The following LTBP1 variants were observed in gnomAD, a reference collection of about 807,000 sequenced individuals.
The protein encoded by LTBP1 is latent-transforming growth factor beta-binding protein 1.
In LTBP1, 129 loss-of-function variants were observed where a neutral mutation model predicts 207.6. The ratio of observed to expected loss-of-function variants is 0.62; its 90% CI spans 0.54 to 0.72. The LOEUF (loss-of-function observed/expected upper bound fraction) is 0.72. Ranked by LOEUF, LTBP1 falls within the 30% of genes least tolerant of loss-of-function variation. The pLI is 0.00. For missense variants in LTBP1, 2,281 were observed against 2,217.2 expected (o/e 1.03, Z -0.58); for synonymous variants, 963 against 833.7 (o/e 1.16, Z -2.67).
chr2:33,181,660 A>G (rs1391507450), intron 5 of LTBP1, among the ~76,000 whole-genome samples: 1 of 152,252 alleles, frequency 6.6e-6, no homozygotes, highest in African/African-American at 2.4e-5. Flanking sequence ...CAAGCTAACA[A>G]GGTTATGGAA....
rs144113642 is a variant in LTBP1, at chr2:33,064,505, G to A, written c.863+43299G>A. On this transcript the variant is annotated intron_variant, in intron 3 of 33. Transcript: ENST00000404816. ...TCTCCACACTCCCTAAGCTTCATGG[G>A]GTAATGCAGAGTAGCCCAGGTCGAT... Among the ~76,000 whole-genome samples the A allele has an allele frequency of 2.8e-3, 428 of 152,298 alleles. 2 individuals are homozygous for A. The highest frequency in any genetic ancestry group is 9.4e-3 in the African/African-American group (392 of 41,552).
At chr2:33,246,654 G>A (rs909124240) in intron 10 of LTBP1, among the ~76,000 whole-genome samples, 6 of 152,186 alleles carry the variant, frequency 3.9e-5, no homozygotes, top group African/African-American at 9.7e-5. Context: ...ACAAGGTGTG[G>A]CTGACTCTCT....
intron 7 of LTBP1, among the ~76,000 whole-genome samples, chr2:33,199,703 C>T (rs1245151839): frequency 6.6e-6 from 1 of 152,194 alleles, no homozygotes; most frequent in Non-Finnish European, 1.5e-5. Context: ...TGGCAGATGA[C>T]ATGATTGTAT....
intron 9 of LTBP1, among the ~76,000 whole-genome samples, chr2:33,226,069 T>C (rs950272175): frequency 6.6e-6 from 1 of 152,234 alleles, no homozygotes; most frequent in Non-Finnish European, 1.5e-5. Context: ...TATTCTGATT[T>C]TGTTATTGAC....
chr2:33,069,545 C>G (rs897603498), intron 3 of LTBP1, among the ~76,000 whole-genome samples: 4 of 152,170 alleles, frequency 2.6e-5, no homozygotes, highest in African/African-American at 9.7e-5. Context: ...TCAATGTTAC[C>G]TGCTGACCTT....
At chr2:33,377,806 A>C (rs1481624625) in intron 31 of LTBP1, among the ~76,000 whole-genome samples, 1 of 152,158 alleles carries the variant, frequency 6.6e-6, no homozygotes, top group African/African-American at 2.4e-5. Context: ...TAATTGTGGC[A>C]GAAGGCAAAG....
intron 32 of LTBP1, among the ~76,000 whole-genome samples, chr2:33,393,231 CTTCTTTTT>C (rs1337846869): frequency 9.6e-4 from 75 of 78,302 alleles, no homozygotes; most frequent in African/African-American, 2.1e-3. Context: ...TTTCCTTCTT[CTTCTTTTT>C]TTTTTTTTTT....
Position 33,274,969 on chromosome 2 carries a change from T to C in LTBP1, c.2748T>C (p.Ile916=). ...FSEQQRKCVD[I]DECTQVQHLC... ...TATATGTATTTTTGTTAACAGATAT[T>C]GATGAGTGTACTCAGGTCCAACACC... The change falls in exon 17 of 34, where the codon ATT becomes ATC. Residue 916 remains isoleucine (I), a synonymous_variant. Transcript: ENST00000404816. 1 of 1,613,926 alleles carries C rather than the reference T, an allele frequency of 6.2e-7. No homozygotes were observed. Among genetic ancestry groups the C allele is most frequent in the Non-Finnish European group, 8.5e-7 (1 of 1,179,842 alleles).
At chr2:33,300,678 A>G in intron 21 of LTBP1, 105 bp downstream of exon 21, 1 of 1,203,518 alleles carries the variant, frequency 8.3e-7, no homozygotes, top group Non-Finnish European at 1.1e-6. Flanking sequence ...TTACCCAGAT[A>G]ATTGCATTAT....
chr2:33,109,362 A>G (rs1362905425), intron 3 of LTBP1, among the ~76,000 whole-genome samples: 3 of 152,250 alleles, frequency 2.0e-5, no homozygotes, highest in African/African-American at 4.8e-5. Flanking sequence ...AGATTACATT[A>G]GAGAGCATGT....
chr2:32,984,769 A>C (rs963984305), intron 2 of LTBP1, among the ~76,000 whole-genome samples: 9 of 150,258 alleles, frequency 6.0e-5, no homozygotes, highest in African/African-American at 1.9e-4. Flanking sequence ...AAAAATACAA[A>C]AAAAAAAAAA....
At chr2:33,129,049 A>G (rs1003366459) in intron 4 of LTBP1, among the ~76,000 whole-genome samples, 1 of 152,188 alleles carries the variant, frequency 6.6e-6, no homozygotes, top group Admixed American at 6.5e-5. Context: ...AGACACCTGG[A>G]ACAGCCTGGA....
At chr2:33,186,151 C>T (rs761680520) in intron 5 of LTBP1, among the ~76,000 whole-genome samples, 3 of 152,152 alleles carry the variant, frequency 2.0e-5, no homozygotes, top group African/African-American at 4.8e-5. Flanking sequence ...TCAAACTATT[C>T]TACTTATTTG....
intron 2 of LTBP1, among the ~76,000 whole-genome samples, chr2:33,002,231 T>C (rs1686146474): frequency 6.6e-6 from 1 of 152,142 alleles, no homozygotes; most frequent in South Asian, 2.1e-4. Flanking sequence ...AACTTCAATT[T>C]TCAGAAGTAC....
chr2:33,302,978 CACACACAA>C (rs1202698656), intron 22 of LTBP1, among the ~76,000 whole-genome samples: 118 of 148,144 alleles, frequency 8.0e-4, no homozygotes, highest in African/African-American at 2.8e-3. Flanking sequence ...CACACACACA[CACACACAA>C]ACACACACAA....
At chr2:33,262,589 T>C (rs1380434220) in intron 13 of LTBP1, 133 bp from the exon 14 acceptor site, 1 of 412,370 alleles carries the variant, frequency 2.4e-6, no homozygotes, top group African/African-American at 2.1e-5. Flanking sequence ...ACATGTAAGG[T>C]CCTATGATAT....
chr2:33,244,888 T>TATC (rs1558876164), intron 10 of LTBP1, among the ~76,000 whole-genome samples: 3 of 120,794 alleles, frequency 2.5e-5, no homozygotes, highest in South Asian at 2.8e-4. Context: ...ATCTATCTAT[T>TATC]TATTTTTGAG....
rs147444414 is a variant in LTBP1 at position 33,235,377 on chromosome 2, G to A, written c.1877-8285G>A. On this transcript the variant is annotated intron_variant, in intron 9 of 33. Coordinates refer to ENST00000404816, the MANE Select transcript of LTBP1 (RefSeq NM_206943.4). ...ACCATCTCACGTCAGTTAGAATGGC[G>A]ATCATTAAAAAGTCAGGAAACAACA... Among the ~76,000 whole-genome samples the A allele has an allele frequency of 7.3e-3, 1,105 of 152,240 alleles. 7 individuals carry two copies. Among genetic ancestry groups the A allele is most frequent in the Middle Eastern group, 0.031 (9 of 294 alleles).
rs10616798 is a variant in LTBP1, at chr2:33,168,399, CAAAAAAAAA to C, written c.1202-18448_1202-18440del. ...ACAAAGTGAGACCCTGTCTTTGTCT[CAAAAAAAAA>C]AAAAAAAAGAAAAAAGAAAAAAAAG... On this transcript the variant is annotated intron_variant, in intron 5 of 33. Transcript: ENST00000404816. 1.9e-3 allele frequency among the ~76,000 whole-genome samples: 193 copies of C among 103,812 alleles called. 3 individuals are homozygous for C. Among genetic ancestry groups the C allele is most frequent in the African/African-American group, 6.7e-3 (189 of 28,006 alleles). The allele number at this position is 103,812 out of a possible 152,430, so 68.1% of individuals were successfully genotyped here.
Sources: gnomAD v4.1 joint callset for allele counts (sites outside exome capture counted in the v4.1 genomes callset) on GRCh38, gnomAD v4.1.1 for gene constraint, MANE v1.5 for transcripts, NCBI Gene and HGNC (gene_info 2026-07-23, HGNC 2026-07-21) for gene names.